AP1G1: variants seen among roughly 807,000 people sequenced by gnomAD.
The protein encoded by AP1G1 is AP-1 complex subunit gamma-1.
In AP1G1, 7 loss-of-function variants were observed where a neutral mutation model predicts 108.3. That is an observed-to-expected ratio of 0.06 (90% CI 0.04 to 0.12). AP1G1 has a LOEUF of 0.12. AP1G1 is among the 10% of genes least tolerant of loss of function. The probability of loss-of-function intolerance (pLI) is 1.00; values close to 1 mark genes in which losing one functional copy is unlikely to be tolerated. For missense variants in AP1G1, 756 were observed against 1,010.7 expected, an observed-to-expected ratio of 0.75 and a Z score of 3.42; for synonymous variants, 379 against 353.5, an observed-to-expected ratio of 1.07 and a Z score of -0.81.
intron 1 of AP1G1, chr16:71,807,845 GAT>G (rs1033611549): frequency 7.8e-7 from 1 of 1,288,874 alleles, no homozygotes; most frequent in Non-Finnish European, 1.0e-6. Context: ...CGTGCTCAGG[GAT>G]ATATAATAGG....
chr16:71,800,372 CAAAA>C (rs1204514110), intron 1 of AP1G1, among the ~76,000 whole-genome samples: 2 of 62,702 alleles, frequency 3.2e-5, no homozygotes, highest in East Asian at 5.5e-4. Context: ...CTCCCCATCT[CAAAA>C]AAAAAAAAAA....
At position 71,768,994 on chromosome 16, in the gene AP1G1, A is replaced by AAC. The variant is rs1446005471; in HGVS notation, c.642+628_642+629insGT. ...AAAAAAATACAAAAAAAAAAAAAAA[A>AAC]AAAACAGGCCAGGAGCAGTGGCTCA... On this transcript the variant is annotated intron_variant, in intron 6 of 22. Coordinates refer to ENST00000299980, the MANE Select transcript of AP1G1 (RefSeq NM_001128.6). Among the ~76,000 whole-genome samples, 14 of 146,742 alleles carry AAC rather than the reference A, an allele frequency of 9.5e-5. No homozygotes were observed. In the East Asian group the frequency reaches 2.0e-3, roughly 21 times the overall value.
intron 1 of AP1G1, among the ~76,000 whole-genome samples, chr16:71,800,801 A>G (rs1391783327): frequency 7.0e-6 from 1 of 141,890 alleles, no homozygotes; most frequent in African/African-American, 2.6e-5. Flanking sequence ...ACTCCGTCTC[A>G]AAAAAAAAAA....
intron 2 of AP1G1, among the ~76,000 whole-genome samples, chr16:71,778,580 G>A (rs549437741): frequency 6.6e-6 from 1 of 151,842 alleles, no homozygotes; most frequent in Non-Finnish European, 1.5e-5. Flanking sequence ...CTACCCGGGA[G>A]GCTGAGGAAG....
chr16:71,799,943 G>T (rs958532654), intron 1 of AP1G1, among the ~76,000 whole-genome samples: 1 of 151,216 alleles, frequency 6.6e-6, no homozygotes, highest in African/African-American at 2.4e-5. Context: ...TATATTGGCT[G>T]GGTGCGGTGG....
chr16:71,753,880 G>A lies in AP1G1; in HGVS notation c.1237C>T (p.Pro413Ser). 1.9e-6 allele frequency: 3 copies of A among 1,613,832 alleles called. No individual in the cohort carries two copies. Among genetic ancestry groups the A allele is most frequent in the South Asian group, 1.1e-5 (1 of 91,044 alleles). ...GTGTCTATATGCCATCGTTTGGAAG[G>A]TGCATACCTGAAAAAAACAATGGAA... ...GIFLAAEKYA[P>S]SKRWHIDTIM... Residue 413 changes from proline (P) to serine (S), a missense_variant, in exon 13 of 23, where the codon CCT becomes TCT. This residue lies in a region of AP1G1 where 357 missense variants were observed against 366.5 expected (regional missense o/e 0.97). Coordinates refer to ENST00000299980, the MANE Select transcript of AP1G1 (RefSeq NM_001128.6).
Position 71,734,681 on chromosome 16 carries a change from A to G in AP1G1, c.2295T>C (p.Pro765=). Residue 765 remains proline, a synonymous_variant, in exon 22 of 23, where the codon CCT becomes CCC. Coordinates refer to ENST00000299980, the MANE Select transcript of AP1G1 (RefSeq NM_001128.6). ...PKTFQLQLLS[P]SSSIVPAFNT... ...TAAATGCTGGGACAATGCTGCTGCT[A>G]GGAGACAAGAGCTGCAGCTGGAATG... is the stretch of plus-strand genomic sequence containing the variant. The G allele has an allele frequency of 6.2e-7, 1 of 1,614,038 alleles. No individual in the cohort carries two copies. The highest frequency in any genetic ancestry group is 8.5e-7 in the Non-Finnish European group (1 of 1,179,906).
chr16:71,799,752 A>G (rs552326675), intron 1 of AP1G1, among the ~76,000 whole-genome samples: 9 of 151,872 alleles, frequency 5.9e-5, no homozygotes, highest in Non-Finnish European at 8.8e-5. Context: ...ACAGAAAATT[A>G]GCGGGGTGTG....
intron 2 of AP1G1, among the ~76,000 whole-genome samples, chr16:71,780,344 C>G (rs949837632): frequency 1.3e-4 from 19 of 151,844 alleles, no homozygotes; most frequent in African/African-American, 4.1e-4. Flanking sequence ...TTTTTTAAAT[C>G]AGCCAGGCGT....
At chr16:71,774,389 G>A in intron 3 of AP1G1, 79 bp downstream of exon 3, 1 of 1,507,778 alleles carries the variant, frequency 6.6e-7, no homozygotes, top group Non-Finnish European at 9.0e-7. Context: ...GGGCAAAAGA[G>A]CAAGACTCCG....
chr16:71,769,578 C>A, intron 6 of AP1G1, 45 bp downstream of exon 6: 1 of 1,527,962 alleles, frequency 6.5e-7, no homozygotes, highest in South Asian at 1.1e-5. Context: ...TCAGGAAAAT[C>A]ATTTTTCAAT....
At position 71,746,668 on chromosome 16, in the gene AP1G1, G is replaced by C. The variant is rs774153086; in HGVS notation, c.1650C>G (p.Ile550Met). ...TVNRIKKVVS[I>M]YGSSIDVELQ... ...GTTCCACATCAATGCTGCTTCCGTA[G>C]ATGGAAACCACTTTCTTAATTCGGC... The change falls in exon 17 of 23, where the codon ATC (isoleucine) becomes ATG (methionine). Residue 550 changes from isoleucine to methionine, a missense_variant. Physicochemically the swap from Ile to Met is conservative, Grantham distance 10 (BLOSUM62 1). Transcript: ENST00000299980. 5.0e-6 allele frequency: 8 copies of C among 1,611,934 alleles called. No homozygotes were observed. Among genetic ancestry groups the C allele is most frequent in the Non-Finnish European group, 6.8e-6 (8 of 1,179,214 alleles).
chr16:71,748,520 G>C, intron 15 of AP1G1, 142 bp from the exon 16 acceptor site: 1 of 1,013,258 alleles, frequency 9.9e-7, no homozygotes, highest in Non-Finnish European at 1.4e-6. Context: ...GCTTTGCCAG[G>C]GTAACTGTCC....
In AP1G1 at chr16:71,760,533, G is replaced by A. The variant is rs1314980076; in HGVS notation, c.974+979C>T. Among the ~76,000 whole-genome samples, 11 of 136,512 alleles carry A rather than the reference G, an allele frequency of 8.1e-5. 1 individual carries two copies. Among genetic ancestry groups the A allele is most frequent in the Admixed American group, 4.7e-4 (6 of 12,806 alleles). 89.6% of individuals were successfully genotyped at this position (136,512 alleles called of 152,430 possible). A position where few individuals can be genotyped will look rare whatever the true frequency, so the allele number is the denominator to read the frequency against. On this transcript the variant is annotated intron_variant, in intron 10 of 22. Coordinates refer to ENST00000299980, the MANE Select transcript of AP1G1 (RefSeq NM_001128.6). ...GCACTCCAGCCTGGGCAACAAGAGC[G>A]AAACTCCATCTCAAAAAAAAAAAAA...
At chr16:71,806,551 T>G in intron 1 of AP1G1, 4 of 455,386 alleles carry the variant, frequency 8.8e-6, no homozygotes, top group Non-Finnish European at 1.4e-5. Context: ...CTGAATGACA[T>G]TTAAATACCA....
chr16:71,805,879 T>G (rs949497966), intron 1 of AP1G1, among the ~76,000 whole-genome samples: 2 of 151,876 alleles, frequency 1.3e-5, no homozygotes, highest in African/African-American at 4.8e-5. Context: ...AAATTAGCCC[T>G]GCGTGGTAGC....
chr16:71,742,982 A>C (rs933583674), intron 19 of AP1G1: 26 of 137,480 alleles, frequency 1.9e-4, no homozygotes, highest in African/African-American at 8.4e-4. Context: ...CAAAAAAACC[A>C]AAAAAAAAAG....
chr16:71,767,692 G>A (rs532992709), intron 6 of AP1G1, among the ~76,000 whole-genome samples: 1 of 152,290 alleles, frequency 6.6e-6, no homozygotes, highest in South Asian at 2.1e-4. Flanking sequence ...TTGGAGTCAG[G>A]AGTTTAAGTG....
intron 19 of AP1G1, among the ~76,000 whole-genome samples, chr16:71,744,493 C>G (rs2030056400): frequency 6.6e-6 from 1 of 150,758 alleles, no homozygotes. Context: ...GGGAAGGAAC[C>G]AAGAAGAAGT....
Sources: allele counts gnomAD v4.1 joint callset (sites outside exome capture counted in the v4.1 genomes callset), GRCh38; gene constraint gnomAD v4.1.1; regional missense constraint gnomAD v4.1.1; transcripts MANE v1.5; gene names NCBI Gene and HGNC (gene_info 2026-07-23, HGNC 2026-07-21).